NPAS2: variants seen among roughly 807,000 people sequenced by gnomAD.
NPAS2 encodes the protein neuronal PAS domain-containing protein 2.
A neutral mutation model predicts 107.5 loss-of-function variants in NPAS2; 23 were observed. That is an observed-to-expected ratio of 0.21 (90% CI 0.15 to 0.30). The LOEUF (loss-of-function observed/expected upper bound fraction) is 0.30, where lower values mean the gene tolerates loss of function less well. NPAS2 is among the 10% of genes least tolerant of loss of function. The pLI is 1.00. For missense variants in NPAS2, 756 were observed against 1,043.3 expected (o/e 0.72, Z 3.79); for synonymous variants, 403 against 417.5 (o/e 0.97, Z 0.42).
chr2:100,837,894 G>A (rs1677165631), intron 1 of NPAS2, among the ~76,000 whole-genome samples: 1 of 152,148 alleles, frequency 6.6e-6, no homozygotes, highest in Non-Finnish European at 1.5e-5. Flanking sequence ...AGCTGGACGA[G>A]ACCTTAGAGG....
intron 1 of NPAS2, among the ~76,000 whole-genome samples, chr2:100,882,480 T>TGG (rs1680423941): frequency 1.3e-5 from 2 of 151,960 alleles, no homozygotes; most frequent in Admixed American, 6.6e-5. Context: ...GCGTAGGTGG[T>TGG]GCATGCCTGT....
chr2:100,923,419 G>C (rs1307487316), intron 2 of NPAS2, among the ~76,000 whole-genome samples: 1 of 152,186 alleles, frequency 6.6e-6, no homozygotes, highest in Non-Finnish European at 1.5e-5. Context: ...TGTGCAATTA[G>C]GCAGGGGCAA....
At chr2:100,896,175 A>G (rs1681399040) in intron 1 of NPAS2, among the ~76,000 whole-genome samples, 1 of 152,170 alleles carries the variant, frequency 6.6e-6, no homozygotes. Flanking sequence ...ACCTTGCACA[A>G]TTGCTGCCTG....
At chr2:100,964,289 G>A (rs1676085508) in intron 8 of NPAS2, 113 bp downstream of exon 8, 1 of 793,070 alleles carries the variant, frequency 1.3e-6, no homozygotes, top group Non-Finnish European at 2.2e-6. Flanking sequence ...AGTTGTCACT[G>A]GCTTTGAAAA....
chr2:100,879,287 C>T (rs1223613612), intron 1 of NPAS2, among the ~76,000 whole-genome samples: 2 of 152,072 alleles, frequency 1.3e-5, no homozygotes, highest in East Asian at 1.9e-4. Flanking sequence ...AGACAGGAAA[C>T]GGGTTACTAT....
At chr2:100,991,127 C>T (rs1406704419) in intron 19 of NPAS2, among the ~76,000 whole-genome samples, 1 of 152,222 alleles carries the variant, frequency 6.6e-6, no homozygotes, top group African/African-American at 2.4e-5. Context: ...CGTTTGCCAT[C>T]ATCTTCCGAC....
chr2:100,949,774 AC>A, intron 7 of NPAS2, among the ~76,000 whole-genome samples: 1 of 152,204 alleles, frequency 6.6e-6, no homozygotes, highest in Non-Finnish European at 1.5e-5. Flanking sequence ...GAAACAACAT[AC>A]AGGGAATAAA....
chr2:100,962,206 T>G (rs1363872075), intron 7 of NPAS2, among the ~76,000 whole-genome samples: 3 of 152,160 alleles, frequency 2.0e-5, no homozygotes, highest in Non-Finnish European at 4.4e-5. Flanking sequence ...TTGGAAACAT[T>G]AGTATTTATG....
At chr2:100,923,115 T>G (rs1376148972) in intron 2 of NPAS2, among the ~76,000 whole-genome samples, 1 of 152,226 alleles carries the variant, frequency 6.6e-6, no homozygotes, top group African/African-American at 2.4e-5. Flanking sequence ...TCTTTTAGCC[T>G]GGACTAGCAA....
chr2:100,872,372 C>G (rs1429904174), intron 1 of NPAS2, among the ~76,000 whole-genome samples: 1 of 152,192 alleles, frequency 6.6e-6, no homozygotes, highest in African/African-American at 2.4e-5. Context: ...TTTTAAACTA[C>G]TTAGAACCAT....
intron 7 of NPAS2, among the ~76,000 whole-genome samples, chr2:100,961,930 T>C (rs1675938560): frequency 6.6e-6 from 1 of 152,218 alleles, no homozygotes; most frequent in Admixed American, 6.5e-5. Context: ...CAGAATTTTA[T>C]TAGTCATTAT....
chr2:100,968,469 A>G lies in NPAS2; in HGVS notation c.1055+41A>G. The G allele has an allele frequency of 1.3e-6, 2 of 1,599,902 alleles. No homozygotes were observed. Among genetic ancestry groups the G allele is most frequent in the South Asian group, 2.2e-5 (2 of 90,380 alleles). Reference sequence around the variant, plus strand: ...AGGGGTGCGGCTGCGTCCTTGTCGCACCTGGGGGAGGGGTGCAGGATGGCG... The same window carrying G: ...AGGGGTGCGGCTGCGTCCTTGTCGCGCCTGGGGGAGGGGTGCAGGATGGCG... On this transcript the variant is annotated intron_variant, in intron 11 of 20. Coordinates refer to ENST00000335681, the MANE Select transcript of NPAS2 (RefSeq NM_002518.4). The surrounding 1 kb of genome is among the most constrained non-coding windows in gnomAD (Gnocchi z 5.3).
chr2:100,899,276 T>G (rs1573575270), intron 1 of NPAS2, among the ~76,000 whole-genome samples: 2 of 148,646 alleles, frequency 1.3e-5, no homozygotes, highest in African/African-American at 5.0e-5. Context: ...CAAGCTGGAG[T>G]GCAGTGGCGT....
At chr2:100,900,990 A>G (rs927152797) in intron 1 of NPAS2, among the ~76,000 whole-genome samples, 3 of 151,964 alleles carry the variant, frequency 2.0e-5, no homozygotes, top group African/African-American at 7.3e-5. Context: ...TCCCACCCTA[A>G]GGGCTGGGAT....
intron 1 of NPAS2, among the ~76,000 whole-genome samples, chr2:100,851,205 A>G (rs1277612497): frequency 6.6e-6 from 1 of 152,140 alleles, no homozygotes; most frequent in Non-Finnish European, 1.5e-5. Flanking sequence ...GTTTTGCAAG[A>G]TTGAGAAGTT....
chr2:100,847,921 G>C (rs1190558042), intron 1 of NPAS2, among the ~76,000 whole-genome samples: 1 of 152,198 alleles, frequency 6.6e-6, no homozygotes, highest in Non-Finnish European at 1.5e-5. Context: ...GGTTTCTACT[G>C]TGTTTGGGGA....
intron 12 of NPAS2, among the ~76,000 whole-genome samples, chr2:100,971,355 T>G (rs1181004073): frequency 6.8e-6 from 1 of 146,000 alleles, no homozygotes; most frequent in Non-Finnish European, 1.5e-5. Context: ...GCCCCTGGAC[T>G]CAAAGCACGG....
chr2:100,951,946 G>A (rs1165318237), intron 7 of NPAS2, among the ~76,000 whole-genome samples: 2 of 151,976 alleles, frequency 1.3e-5, no homozygotes, highest in Non-Finnish European at 1.5e-5. Flanking sequence ...TCAGGAGATC[G>A]AGACCATCCT....
At chr2:100,932,839 T>A in intron 3 of NPAS2, 71 bp from the exon 4 acceptor site, 1 of 1,025,820 alleles carries the variant, frequency 9.7e-7, no homozygotes, top group Non-Finnish European at 1.5e-6. Flanking sequence ...AGAAGTAACA[T>A]GTGCTTCATT....
Sources: allele counts gnomAD v4.1 joint callset (sites outside exome capture counted in the v4.1 genomes callset), GRCh38; gene constraint gnomAD v4.1.1; non-coding constraint Gnocchi (gnomAD v3.1); transcripts MANE v1.5; gene names NCBI Gene and HGNC (gene_info 2026-07-23, HGNC 2026-07-21).